NR1H3: variants seen among roughly 807,000 people sequenced by gnomAD.
The protein encoded by NR1H3 is oxysterols receptor LXR-alpha.
Under a neutral mutation model 48.1 loss-of-function variants are expected in NR1H3, and 19 were observed. The observed-to-expected ratio is 0.40, with a 90% confidence interval of 0.28 to 0.58. The LOEUF is 0.58. Among genes scored for constraint, NR1H3 ranks in the 20% least tolerant of loss-of-function variants. NR1H3 has a pLI of 0.50. For synonymous variants in NR1H3, 232 were observed against 227.3 expected, an observed-to-expected ratio of 1.02 and a Z score of -0.19; for missense variants, 486 against 595.9, an observed-to-expected ratio of 0.82 and a Z score of 1.92.
chr11:47,265,908 T>G (rs903258056), intron 7 of NR1H3, among the ~76,000 whole-genome samples: 3 of 152,202 alleles, frequency 2.0e-5, no homozygotes, highest in African/African-American at 7.2e-5. Context: ...CAAACACTTA[T>G]GTGGTAGTTA....
At chr11:47,249,711 G>A (rs559773985) in intron 1 of NR1H3, among the ~76,000 whole-genome samples, 1 of 152,272 alleles carries the variant, frequency 6.6e-6, no homozygotes, top group African/African-American at 2.4e-5. Flanking sequence ...TCCTGTGACG[G>A]TTGCAGGTCA....
chr11:47,260,755 C>G, intron 4 of NR1H3, 80 bp downstream of exon 4: 2 of 1,471,544 alleles, frequency 1.4e-6, no homozygotes, highest in South Asian at 2.6e-5. Flanking sequence ...GGTGCCTGAA[C>G]TTGCAGGGGC....
chr11:47,261,924 G>A lies in NR1H3; in HGVS notation c.894G>A (p.Met298Ile). 1.2e-6 allele frequency: 2 copies of A among 1,613,980 alleles called. No homozygotes were observed. Among genetic ancestry groups the A allele is most frequent in the Non-Finnish European group, 1.7e-6 (2 of 1,179,884 alleles). Residue 298 changes from methionine (M) to isoleucine (I), a missense_variant, in exon 7 of 10, where the codon ATG becomes ATA. Transcript: ENST00000441012. ...GGTTTGCTGCTTGTGTGCAGGTGAT[G>A]CTTCTGGAGACATCTCGGAGGTACA... is the stretch of plus-strand genomic sequence containing the variant. ...ALLKTSAIEV[M>I]LLETSRRYNP... is the part of the protein sequence containing the mutation.
chr11:47,260,962 G>A (rs1955784316), intron 4 of NR1H3, among the ~76,000 whole-genome samples: 1 of 151,918 alleles, frequency 6.6e-6, no homozygotes, highest in East Asian at 1.9e-4. Flanking sequence ...GTGAGCGCCT[G>A]TAATCCCAGC....
rs1956990167 is a variant in NR1H3, at chr11:47,267,934, A to G, written c.1010A>G (p.Asn337Ser). Residue 337 changes from asparagine to serine, a missense_variant, in exon 8 of 10, where the codon AAC (asparagine) becomes AGC (serine). By Grantham distance (46) the Asn-to-Ser change is conservative. Transcript: ENST00000441012. ...AKAGLQVEFI[N>S]PIFEFSRAMN... ...CCAGGGCTGCAAGTGGAATTCATCA[A>G]CCCCATCTTCGAGTTCTCCAGGGCC... is the stretch of plus-strand genomic sequence containing the variant. 5.6e-6 allele frequency: 9 copies of G among 1,613,898 alleles called. No homozygotes were observed. The highest frequency in any genetic ancestry group is 6.8e-6 in the Non-Finnish European group (8 of 1,179,914).
chr11:47,260,780 G>A (rs1236999118), intron 4 of NR1H3, 105 bp downstream of exon 4: 1 of 1,364,446 alleles, frequency 7.3e-7, no homozygotes, highest in Non-Finnish European at 9.8e-7. Flanking sequence ...TGATCCCTAA[G>A]TATGGATCCC....
At position 47,249,676 on chromosome 11, in the gene NR1H3, C is replaced by T. The variant is rs529433158; in HGVS notation, c.-93+677C>T. ...TTGACCATTAGGATTCAGGTGCAGCCAGTTTGGCCTCAGGACTTTGTGACT... is the reference window on the plus strand; with the variant it reads ...TTGACCATTAGGATTCAGGTGCAGCTAGTTTGGCCTCAGGACTTTGTGACT... On this transcript the variant is annotated intron_variant, in intron 1 of 8. Coordinates refer to the NR1H3 transcript ENST00000395397. Among the ~76,000 whole-genome samples, 29 of 152,270 alleles carry T rather than the reference C, an allele frequency of 1.9e-4. No homozygotes were observed. The South Asian group carries it at 5.2e-3, about 27-fold the overall frequency.
chr11:47,249,119 G>A, intron 1 of NR1H3: 1 of 975,400 alleles, frequency 1.0e-6, no homozygotes, highest in Non-Finnish European at 1.5e-6. Flanking sequence ...TGCAGTGGGC[G>A]GGACCATGTC....
rs1957601750 is a variant in NR1H3, at chr11:47,268,603, G to A, written c.1251G>A (p.Leu417=). Residue 417 remains leucine (L), a synonymous_variant, in exon 10 of 10, where the codon CTG becomes CTA. Transcript: ENST00000441012. The part of the protein sequence containing the change: ...MLMKLVSLRT[L]SSVHSEQVFA... ...TGAAACTGGTGAGCCTCCGGACCCTGAGCAGCGTCCACTCAGAGCAAGTGT... is the reference window on the plus strand; with the variant it reads ...TGAAACTGGTGAGCCTCCGGACCCTAAGCAGCGTCCACTCAGAGCAAGTGT... 6.2e-7 allele frequency: 1 copy of A among 1,614,246 alleles called. No individual in the cohort carries two copies. Among genetic ancestry groups the A allele is most frequent in the Non-Finnish European group, 8.5e-7 (1 of 1,180,046 alleles).
At chr11:47,248,524 C>T (rs953955562), upstream of NR1H3, 3 of 1,551,304 alleles carry the variant, frequency 1.9e-6, no homozygotes, top group African/African-American at 4.1e-5. Context: ...TAAGCCAGGG[C>T]TCCAGGTCAA....
chr11:47,248,460 C>T (rs1485955104), upstream of NR1H3: 22 of 1,546,084 alleles, frequency 1.4e-5, no homozygotes, highest in African/African-American at 1.2e-4. Flanking sequence ...CATTCAACCA[C>T]TTCCCTGTCT....
At chr11:47,256,654 T>TAA (rs59002769), upstream of NR1H3, among the ~76,000 whole-genome samples, 4,061 of 92,102 alleles carry the variant, frequency 0.044, 99 homozygotes, top group South Asian at 0.13. Flanking sequence ...CCAAAAAAGG[T>TAA]AAAAAAAAAA....
intron 7 of NR1H3, among the ~76,000 whole-genome samples, chr11:47,266,121 C>T (rs974478573): frequency 6.6e-6 from 1 of 152,112 alleles, no homozygotes; most frequent in Admixed American, 6.6e-5. Context: ...GGATGTGATA[C>T]ATGAAATGTA....
At chr11:47,266,697 A>T (rs1230034977) in intron 7 of NR1H3, among the ~76,000 whole-genome samples, 1 of 149,492 alleles carries the variant, frequency 6.7e-6, no homozygotes, top group Non-Finnish European at 1.5e-5. Flanking sequence ...GCTGGAGTGC[A>T]GTGGCGTGAT....
In NR1H3 at chr11:47,268,794, T is replaced by A; in HGVS notation, c.*98T>A. On this transcript the variant is annotated 3_prime_UTR_variant, in exon 10 of 10. Transcript: ENST00000441012. ...ACAGACTGAGAAGGGCAAACATTCCTGGGAGCTGGGCAAGGAGATCCTCCC... is the reference window on the plus strand; with the variant it reads ...ACAGACTGAGAAGGGCAAACATTCCAGGGAGCTGGGCAAGGAGATCCTCCC... 2.1e-6 allele frequency: 3 copies of A among 1,448,982 alleles called. No individual in the cohort carries two copies. Among genetic ancestry groups the A allele is most frequent in the Non-Finnish European group, 2.8e-6 (3 of 1,068,938 alleles). 89.8% of individuals were successfully genotyped at this position (1,448,982 alleles called of 1,614,324 possible).
At chr11:47,264,235 A>G (rs1223028944) in intron 7 of NR1H3, among the ~76,000 whole-genome samples, 1 of 152,178 alleles carries the variant, frequency 6.6e-6, no homozygotes, top group Non-Finnish European at 1.5e-5. Flanking sequence ...GTGGGGCTGT[A>G]AAATATGGCT....
chr11:47,260,012 G>T, intron 3 of NR1H3, 33 bp downstream of exon 3: 2 of 1,470,800 alleles, frequency 1.4e-6, no homozygotes, highest in South Asian at 1.4e-5. Context: ...GGAGGTAGGG[G>T]TCCAGATTCC....
chr11:47,263,950 G>A lies in NR1H3; in HGVS notation c.988+1932G>A, dbSNP rs182744789. ...GCACTTTCTGACGAACCAGAACCAT[G>A]GCATGGCAAACATGCCCAGAGAGGA... is the stretch of plus-strand genomic sequence containing the variant. On this transcript the variant is annotated intron_variant, in intron 7 of 9. Coordinates refer to ENST00000441012, the MANE Select transcript of NR1H3 (RefSeq NM_005693.4). 4.6e-5 allele frequency among the ~76,000 whole-genome samples: 7 copies of A among 152,192 alleles called. No homozygotes were observed. In the East Asian group the frequency reaches 1.2e-3, roughly 25 times the overall value.
chr11:47,248,722 A>T, upstream of NR1H3: 1 of 1,611,708 alleles, frequency 6.2e-7, no homozygotes. Flanking sequence ...CGGCATCACC[A>T]CCAGGTTCAC....
Sources: allele counts gnomAD v4.1 joint callset (sites outside exome capture counted in the v4.1 genomes callset), GRCh38; gene constraint gnomAD v4.1.1; transcripts MANE v1.5; gene names NCBI Gene and HGNC (gene_info 2026-07-23, HGNC 2026-07-21).